Variants in ITGA9 observed in about 807,000 individuals in gnomAD.
ITGA9 encodes the protein integrin alpha-9.
In ITGA9, 56 loss-of-function variants were observed where a neutral mutation model predicts 127.8. That is an observed-to-expected ratio of 0.44 (90% CI 0.35 to 0.55). The LOEUF (loss-of-function observed/expected upper bound fraction) is 0.55, where lower values mean the gene tolerates loss of function less well. ITGA9 is among the 20% of genes least tolerant of loss of function. The pLI, the probability that ITGA9 is intolerant of heterozygous loss-of-function variation, is 0.00. For missense variants in ITGA9, 1,196 were observed against 1,347.1 expected, an observed-to-expected ratio of 0.89 and a Z score of 1.76; for synonymous variants, 508 against 514.5, an observed-to-expected ratio of 0.99 and a Z score of 0.17.
chr3:37,519,923 T>C (rs17036510), intron 11 of ITGA9, among the ~76,000 whole-genome samples: 2,918 of 152,322 alleles, frequency 0.019, 97 homozygotes, highest in African/African-American at 0.065. Context: ...AAGGAAGTCA[T>C]GCTCTCAGCA....
intron 15 of ITGA9, among the ~76,000 whole-genome samples, chr3:37,604,539 C>A (rs1699949521): frequency 6.6e-6 from 1 of 152,164 alleles, no homozygotes; most frequent in African/African-American, 2.4e-5. Flanking sequence ...TTAGGAAAAC[C>A]TTACAGAAGC....
At chr3:37,692,684 G>T (rs1700845041) in intron 18 of ITGA9, among the ~76,000 whole-genome samples, 1 of 151,842 alleles carries the variant, frequency 6.6e-6, no homozygotes. Flanking sequence ...TTGGTTTAGG[G>T]ATATTGACTT....
intron 8 of ITGA9, 111 bp from the exon 9 acceptor site, chr3:37,513,652 G>T: frequency 7.8e-7 from 1 of 1,275,002 alleles, no homozygotes; most frequent in Non-Finnish European, 1.1e-6. Context: ...TGTTCTCATT[G>T]TTCAATTCCT....
intron 27 of ITGA9, chr3:37,808,586 A>G (rs1124374): frequency 0.1 from 15,960 of 152,186 alleles, 1,714 homozygotes; most frequent in African/African-American, 0.27. Flanking sequence ...CCCAAATTGA[A>G]TGGCTTTTCA....
intron 19 of ITGA9, 196 bp downstream of exon 19, chr3:37,732,994 A>G (rs1047790528): frequency 3.8e-5 from 23 of 611,676 alleles, no homozygotes; most frequent in Non-Finnish European, 5.9e-5. Context: ...GGGCTGCATC[A>G]TATGGTCTTT....
At chr3:37,655,491 C>T (rs1174720165) in intron 17 of ITGA9, among the ~76,000 whole-genome samples, 1 of 152,162 alleles carries the variant, frequency 6.6e-6, no homozygotes, top group Non-Finnish European at 1.5e-5. Flanking sequence ...GCATAAATGT[C>T]TTCTTTTGAG....
intron 15 of ITGA9, among the ~76,000 whole-genome samples, chr3:37,552,370 C>G (rs1158830179): frequency 2.0e-5 from 3 of 151,374 alleles, no homozygotes; most frequent in Non-Finnish European, 4.4e-5. Context: ...GTTGTACCAG[C>G]AAATTATTAT....
intron 27 of ITGA9, among the ~76,000 whole-genome samples, chr3:37,817,404 A>G (rs1440407240): frequency 6.6e-6 from 1 of 152,188 alleles, no homozygotes; most frequent in East Asian, 1.9e-4. Flanking sequence ...GATTGAAACA[A>G]TGATTTGAGG....
rs1235330767 is a variant in ITGA9 at position 37,569,403 on chromosome 3, G to A, written c.1689+26818G>A. 2.0e-5 allele frequency among the ~76,000 whole-genome samples: 3 copies of A among 152,312 alleles called. No homozygotes were observed. The East Asian group carries it at 5.8e-4, about 29-fold the overall frequency. The stretch of plus-strand genomic sequence containing the variant: ...TGGGGACACAGCCAAACCATATCAT[G>A]GGGGTAGAGTTGAGGGAAGGAGAGA... On this transcript the variant is annotated intron_variant, in intron 15 of 27. Coordinates refer to ENST00000264741, the MANE Select transcript of ITGA9 (RefSeq NM_002207.3).
At chr3:37,467,035 C>T (rs1338059511) in intron 1 of ITGA9, among the ~76,000 whole-genome samples, 1 of 152,196 alleles carries the variant, frequency 6.6e-6, no homozygotes, top group African/African-American at 2.4e-5. Context: ...GGTAAACAGC[C>T]AGCTGAATTA....
chr3:37,544,392 T>A (rs957330721), intron 15 of ITGA9, among the ~76,000 whole-genome samples: 2 of 152,200 alleles, frequency 1.3e-5, no homozygotes, highest in Admixed American at 1.3e-4. Flanking sequence ...GAATTTCAGA[T>A]CACCAATGAA....
chr3:37,798,956 A>G, intron 26 of ITGA9, among the ~76,000 whole-genome samples: 1 of 152,156 alleles, frequency 6.6e-6, no homozygotes, highest in Non-Finnish European at 1.5e-5. Flanking sequence ...ATCATTTTTA[A>G]TAGTTCTGTG....
intron 15 of ITGA9, among the ~76,000 whole-genome samples, chr3:37,610,441 C>G (rs57532359): frequency 0.09 from 13,706 of 152,162 alleles, 742 homozygotes; most frequent in Middle Eastern, 0.15. Flanking sequence ...CTTTTTACTT[C>G]CTACTTGCAA....
rs188218406 is a variant in ITGA9 at position 37,717,921 on chromosome 3, G to A, written c.2068-14791G>A. ...GTAATAACAATGAGCTGTAAAATACGACCTGTGGGGTGGGAATGGGGACAG... is the reference window on the plus strand; with the variant it reads ...GTAATAACAATGAGCTGTAAAATACAACCTGTGGGGTGGGAATGGGGACAG... On this transcript the variant is annotated intron_variant, in intron 18 of 27. Coordinates refer to ENST00000264741, the MANE Select transcript of ITGA9 (RefSeq NM_002207.3). 1.4e-3 allele frequency among the ~76,000 whole-genome samples: 213 copies of A among 152,296 alleles called. 1 individual carries two copies. Among genetic ancestry groups the A allele is most frequent in the African/African-American group, 4.2e-3 (175 of 41,566 alleles).
chr3:37,505,926 T>C, intron 6 of ITGA9, 74 bp from the exon 7 acceptor site: 1 of 1,105,686 alleles, frequency 9.0e-7, no homozygotes, highest in Non-Finnish European at 1.4e-6. Context: ...AGAAACATTT[T>C]CCTCTGATGG....
chr3:37,483,446 C>T (rs575610610), intron 4 of ITGA9, among the ~76,000 whole-genome samples: 4 of 152,174 alleles, frequency 2.6e-5, no homozygotes, highest in Middle Eastern at 3.4e-3. Flanking sequence ...GGTCTGATTA[C>T]AGGTATTTTA....
chr3:37,507,996 ACAGT>A (rs1698863108), intron 7 of ITGA9, among the ~76,000 whole-genome samples: 1 of 152,260 alleles, frequency 6.6e-6, no homozygotes, highest in African/African-American at 2.4e-5. Context: ...AAAAAGTTCC[ACAGT>A]CAAAGAATTT....
intron 4 of ITGA9, among the ~76,000 whole-genome samples, chr3:37,486,850 T>C (rs1698614586): frequency 6.6e-6 from 1 of 152,232 alleles, no homozygotes. Flanking sequence ...TGGAAAAACT[T>C]CCTATGGATT....
At chr3:37,801,105 C>A (rs1263304157) in intron 26 of ITGA9, among the ~76,000 whole-genome samples, 1 of 152,136 alleles carries the variant, frequency 6.6e-6, no homozygotes, top group Non-Finnish European at 1.5e-5. Flanking sequence ...GCAGAGGTTG[C>A]AGTGAGTTGA....
Sources: allele counts gnomAD v4.1 joint callset (sites outside exome capture counted in the v4.1 genomes callset), GRCh38; gene constraint gnomAD v4.1.1; transcripts MANE v1.5; gene names NCBI Gene and HGNC (gene_info 2026-07-23, HGNC 2026-07-21).